ODAD2: variants seen among roughly 807,000 people sequenced by gnomAD.
ODAD2 encodes the protein outer dynein arm-docking complex subunit 2.
ODAD2 carries 89 observed loss-of-function variants against 106.8 expected under a neutral mutation model. The ratio of observed to expected loss-of-function variants is 0.83; its 90% CI spans 0.70 to 0.99. The LOEUF is 0.99. Ranked by LOEUF, ODAD2 falls within the 50% of genes least tolerant of loss-of-function variation. ODAD2 has a pLI of 0.00. For missense variants in ODAD2, 1,168 were observed against 1,238.5 expected (o/e 0.94, Z 0.85); for synonymous variants, 404 against 436.2 (o/e 0.93, Z 0.92).
intron 19 of ODAD2, among the ~76,000 whole-genome samples, chr10:27,841,860 TCCTCCCAC>T (rs1838331683): frequency 1.3e-5 from 2 of 152,062 alleles, no homozygotes; most frequent in Non-Finnish European, 2.9e-5. Flanking sequence ...GCTAAAGTGA[TCCTCCCAC>T]CTGAGCCTCC....
At chr10:27,844,862 G>A (rs2133151070) in intron 19 of ODAD2, among the ~76,000 whole-genome samples, 1 of 152,286 alleles carries the variant, frequency 6.6e-6, no homozygotes, top group South Asian at 2.1e-4. Context: ...GCGATGGGGT[G>A]GTGGCGAAGG....
intron 17 of ODAD2, among the ~76,000 whole-genome samples, chr10:27,870,752 CATTG>C (rs977327819): frequency 7.2e-5 from 11 of 152,178 alleles, no homozygotes; most frequent in African/African-American, 2.7e-4. Context: ...TCCACTCTAT[CATTG>C]ATGGACATTT....
At chr10:27,912,765 GC>G (rs1390394607) in intron 16 of ODAD2, among the ~76,000 whole-genome samples, 2 of 152,276 alleles carry the variant, frequency 1.3e-5, no homozygotes, top group Admixed American at 1.3e-4. Flanking sequence ...ATTAAAGGAT[GC>G]GACTGTCATC....
intron 17 of ODAD2, among the ~76,000 whole-genome samples, chr10:27,865,908 G>A (rs1262624093): frequency 6.6e-6 from 1 of 152,130 alleles, no homozygotes; most frequent in African/African-American, 2.4e-5. Context: ...CAATATTGGT[G>A]GGCTGGTTCT....
At chr10:27,849,834 T>C (rs941791124) in intron 19 of ODAD2, among the ~76,000 whole-genome samples, 1 of 152,196 alleles carries the variant, frequency 6.6e-6, no homozygotes, top group Admixed American at 6.5e-5. Flanking sequence ...GCAGTAATTT[T>C]CAATTCTTTT....
chr10:27,966,001 G>T (rs138350628), intron 9 of ODAD2, among the ~76,000 whole-genome samples: 12 of 152,010 alleles, frequency 7.9e-5, no homozygotes, highest in Non-Finnish European at 1.5e-4. Context: ...GTGGGTTCTC[G>T]TCCATAAAAG....
At position 27,860,858 on chromosome 10, in the gene ODAD2, A is replaced by G. The variant is rs752682843; in HGVS notation, c.2800-12T>C. The G allele has an allele frequency of 6.2e-7, 1 of 1,607,622 alleles. No homozygotes were observed. The highest frequency in any genetic ancestry group is 8.5e-7 in the Non-Finnish European group (1 of 1,174,228). Reference sequence around the variant, plus strand: ...AATTTATTGTTATTCTGTGCAAGGGAAAATGAAATGGGATCTGTGCATTGT... The same window carrying G: ...AATTTATTGTTATTCTGTGCAAGGGGAAATGAAATGGGATCTGTGCATTGT... On this transcript the variant is annotated splice_polypyrimidine_tract_variant and intron_variant, in intron 18 of 19. Transcript: ENST00000305242.
intron 17 of ODAD2, among the ~76,000 whole-genome samples, chr10:27,865,946 ATAGT>A (rs1342245410): frequency 2.6e-5 from 4 of 152,232 alleles, no homozygotes; most frequent in African/African-American, 9.6e-5. Context: ...ACAATTTCTG[ATAGT>A]TAGGACATAC....
intron 17 of ODAD2, among the ~76,000 whole-genome samples, chr10:27,878,866 A>T (rs1409227506): frequency 1.3e-5 from 2 of 152,172 alleles, no homozygotes; most frequent in Non-Finnish European, 2.9e-5. Flanking sequence ...CTTTAAAAAA[A>T]ATTATTGCTG....
At chr10:27,998,718 A>G (rs1850707001) in intron 1 of ODAD2, among the ~76,000 whole-genome samples, 2 of 152,208 alleles carry the variant, frequency 1.3e-5, no homozygotes, top group African/African-American at 2.4e-5. Flanking sequence ...CGGCGGGGCC[A>G]GAGAGCCGCC....
intron 12 of ODAD2, among the ~76,000 whole-genome samples, chr10:27,941,480 G>A (rs1055655388): frequency 7.4e-6 from 1 of 134,816 alleles, no homozygotes; most frequent in African/African-American, 2.8e-5. Flanking sequence ...GCAAGATCCT[G>A]CCCCCCGAAC....
At chr10:27,959,401 T>C (rs2132820470) in intron 10 of ODAD2, among the ~76,000 whole-genome samples, 1 of 151,884 alleles carries the variant, frequency 6.6e-6, no homozygotes, top group Non-Finnish European at 1.5e-5. Context: ...CCAGATGACA[T>C]GCTTTCTAGG....
intron 19 of ODAD2, among the ~76,000 whole-genome samples, chr10:27,848,346 T>A (rs1838956792): frequency 6.6e-6 from 1 of 152,170 alleles, no homozygotes; most frequent in Non-Finnish European, 1.5e-5. Flanking sequence ...TAATAAATGG[T>A]GCTGGGAAAA....
At chr10:27,823,634 G>A (rs925096966) in intron 19 of ODAD2, among the ~76,000 whole-genome samples, 4 of 152,156 alleles carry the variant, frequency 2.6e-5, no homozygotes, top group African/African-American at 9.7e-5. Flanking sequence ...TATTACTCTT[G>A]TTATATTGAC....
chr10:27,924,030 G>GAAAGAA (rs1554810903), intron 16 of ODAD2, among the ~76,000 whole-genome samples: 1 of 103,832 alleles, frequency 9.6e-6, no homozygotes, highest in Non-Finnish European at 2.1e-5. Flanking sequence ...AAGAAGGAAA[G>GAAAGAA]AGAAAGAAAG....
At chr10:27,842,140 C>A (rs1288288824) in intron 19 of ODAD2, among the ~76,000 whole-genome samples, 1 of 152,166 alleles carries the variant, frequency 6.6e-6, no homozygotes, top group Non-Finnish European at 1.5e-5. Context: ...CATTAGTCTT[C>A]ATTTGACCCC....
At chr10:27,990,366 G>A (rs1248239407) in intron 2 of ODAD2, among the ~76,000 whole-genome samples, 1 of 152,122 alleles carries the variant, frequency 6.6e-6, no homozygotes, top group African/African-American at 2.4e-5. Flanking sequence ...TTTAGAGACA[G>A]GGTCTTGCTA....
intron 16 of ODAD2, among the ~76,000 whole-genome samples, chr10:27,921,819 C>A (rs1590026086): frequency 6.9e-6 from 1 of 144,416 alleles, no homozygotes; most frequent in African/African-American, 2.5e-5. Context: ...TGAAGCAAGG[C>A]AATAGAGCAG....
chr10:27,878,578 T>C (rs936834033), intron 17 of ODAD2, among the ~76,000 whole-genome samples: 2 of 152,148 alleles, frequency 1.3e-5, no homozygotes, highest in African/African-American at 2.4e-5. Context: ...CTCTGGGCCA[T>C]ATAGAGACCA....
Sources: gnomAD v4.1 joint callset for allele counts (sites outside exome capture counted in the v4.1 genomes callset) on GRCh38, gnomAD v4.1.1 for gene constraint, MANE v1.5 for transcripts, NCBI Gene and HGNC (gene_info 2026-07-23, HGNC 2026-07-21) for gene names.